DNAJC13: variants seen among roughly 807,000 people sequenced by gnomAD.
DNAJC13 encodes the protein DnaJ heat shock protein family (Hsp40) member C13, also known as dnaJ homolog subfamily C member 13.
DNAJC13 carries 75 observed loss-of-function variants against 290.5 expected under a neutral mutation model. The ratio of observed to expected loss-of-function variants is 0.26; its 90% confidence interval spans 0.21 to 0.31. The LOEUF is 0.31. Among genes scored for constraint, DNAJC13 ranks in the 10% least tolerant of loss-of-function variants. DNAJC13 has a pLI of 1.00. For synonymous variants in DNAJC13, 862 were observed against 892.0 expected, an observed-to-expected ratio of 0.97 and a Z score of 0.60; for missense variants, 2,260 against 2,674.5, an observed-to-expected ratio of 0.85 and a Z score of 3.42.
chr3:132,473,303 C>A, intron 21 of DNAJC13, 76 bp downstream of exon 21: 1 of 991,294 alleles, frequency 1.0e-6, no homozygotes, highest in Non-Finnish European at 1.5e-6. Flanking sequence ...CGTTCTTCTT[C>A]CCTGAAACTG....
intron 43 of DNAJC13, 126 bp from the exon 44 acceptor site, chr3:132,510,941 T>C (rs954562162): frequency 1.0e-6 from 1 of 976,500 alleles, no homozygotes; most frequent in African/African-American, 1.6e-5. Context: ...AGTGCATAGG[T>C]GTATTCATGT....
intron 2 of DNAJC13, among the ~76,000 whole-genome samples, chr3:132,440,139 T>TC (rs1933008547): frequency 6.6e-6 from 1 of 152,128 alleles, no homozygotes; most frequent in Non-Finnish European, 1.5e-5. Context: ...GGCCTGTAGT[T>TC]CCAGCTACTC....
Position 132,525,607 on chromosome 3 carries a change from C to T in DNAJC13, c.6061-3C>T. 1 of 1,613,242 alleles carries T rather than the reference C, an allele frequency of 6.2e-7. No individual in the cohort carries two copies. The highest frequency in any genetic ancestry group is 8.5e-7 in the Non-Finnish European group (1 of 1,179,646). ...TTGATTTATTTTTGTTTTACACCTG[C>T]AGGGAGAAACTCTGGAAACCTTGAC... is the stretch of plus-strand genomic sequence containing the variant. On this transcript the variant is annotated splice_region_variant and splice_polypyrimidine_tract_variant and intron_variant, in intron 51 of 55. Transcript: ENST00000260818.
intron 20 of DNAJC13, 23 bp from the exon 21 acceptor site, chr3:132,473,122 T>C (rs1934340423): frequency 1.3e-6 from 2 of 1,558,312 alleles, no homozygotes; most frequent in Non-Finnish European, 8.8e-7. Flanking sequence ...GATTGAGCAC[T>C]ATGAAGTTTT....
rs942632543 is a variant in DNAJC13 at position 132,425,882 on chromosome 3, C to T, written c.-14+8122C>T. ...TAAATTTTTTTGCTTATAGCTTGAC[C>T]GTAATTGGCTTGAGTGTCTGTGGTG... On this transcript the variant is annotated intron_variant, in intron 1 of 55. Coordinates refer to ENST00000260818, the MANE Select transcript of DNAJC13 (RefSeq NM_015268.4). 1.2e-4 allele frequency among the ~76,000 whole-genome samples: 18 copies of T among 152,032 alleles called. 1 individual carries two copies. The highest frequency in any genetic ancestry group is 3.3e-4 in the Admixed American group (5 of 15,274).
chr3:132,491,169 G>A (rs1430537764), intron 32 of DNAJC13, 118 bp downstream of exon 32: 3 of 872,002 alleles, frequency 3.4e-6, no homozygotes, highest in Non-Finnish European at 5.0e-6. Context: ...TAAAATGACA[G>A]TAATCATTGA....
intron 26 of DNAJC13, 87 bp from the exon 27 acceptor site, chr3:132,482,139 A>G: frequency 9.5e-7 from 1 of 1,054,168 alleles, no homozygotes. Flanking sequence ...AAACCCCTCC[A>G]AAGTACTGCT....
Position 132,467,324 on chromosome 3 carries a change from A to T in DNAJC13, c.2208+11A>T. ...ATTGCTCAAAAAGAGGTAAAAATAAAATTTGCTTCCAAATTCCTGGCACTT... is the reference window on the plus strand; with the variant it reads ...ATTGCTCAAAAAGAGGTAAAAATAATATTTGCTTCCAAATTCCTGGCACTT... On this transcript the variant is annotated intron_variant, in intron 20 of 55. Coordinates refer to ENST00000260818, the MANE Select transcript of DNAJC13 (RefSeq NM_015268.4). The T allele has an allele frequency of 1.2e-6, 2 of 1,611,014 alleles. No individual in the cohort carries two copies. The highest frequency in any genetic ancestry group is 1.1e-5 in the South Asian group (1 of 90,406).
Position 132,453,405 on chromosome 3 carries a change from C to G in DNAJC13, c.645C>G (p.Phe215Leu). ...GGATCAGGAAAGAGCCTTTAGAATT[C>G]GAGCAATATTTGAATCTTCGCTTTG... is the stretch of plus-strand genomic sequence containing the variant. The part of the protein sequence containing the change: ...SLRIRKEPLE[F>L]EQYLNLRFGK... Residue 215 changes from phenylalanine to leucine, a missense_variant, in exon 7 of 56, where the codon TTC (phenylalanine) becomes TTG (leucine). Coordinates refer to ENST00000260818, the MANE Select transcript of DNAJC13 (RefSeq NM_015268.4). 6.2e-7 allele frequency: 1 copy of G among 1,613,904 alleles called. No homozygotes were observed. The highest frequency in any genetic ancestry group is 8.5e-7 in the Non-Finnish European group (1 of 1,179,914).
At chr3:132,442,006 GTT>G (rs201467302) in intron 2 of DNAJC13, among the ~76,000 whole-genome samples, 1 of 145,112 alleles carries the variant, frequency 6.9e-6, no homozygotes. Flanking sequence ...TAACACATTG[GTT>G]TTTTTTTTTA....
intron 1 of DNAJC13, among the ~76,000 whole-genome samples, chr3:132,433,058 C>T (rs546922890): frequency 5.3e-4 from 80 of 152,264 alleles, no homozygotes; most frequent in Non-Finnish European, 1.0e-3. Context: ...GAAAGGTTAA[C>T]ATTCTTTGCA....
At chr3:132,460,895 TAAAG>T (rs1933775600) in intron 14 of DNAJC13, among the ~76,000 whole-genome samples, 151 bp from the exon 15 acceptor site, 8 of 152,232 alleles carry the variant, frequency 5.3e-5, no homozygotes, top group Admixed American at 5.2e-4. Context: ...AAGCAAGTAC[TAAAG>T]AGTCATCCAA....
chr3:132,536,110 C>T (rs1010662530), intron 55 of DNAJC13, among the ~76,000 whole-genome samples: 1 of 152,124 alleles, frequency 6.6e-6, no homozygotes, highest in African/African-American at 2.4e-5. Context: ...GTCCCCAAGC[C>T]AAAAGAAATA....
chr3:132,491,990 C>T (rs1183569849), intron 32 of DNAJC13, among the ~76,000 whole-genome samples: 1 of 152,142 alleles, frequency 6.6e-6, no homozygotes, highest in Non-Finnish European at 1.5e-5. Context: ...AGACGAATTG[C>T]TCTATGTGCT....
At chr3:132,447,017 T>C (rs569316879) in intron 3 of DNAJC13, among the ~76,000 whole-genome samples, 2 of 152,260 alleles carry the variant, frequency 1.3e-5, no homozygotes, top group African/African-American at 4.8e-5. Context: ...AAATTAGGCA[T>C]GTTTCACAAA....
intron 19 of DNAJC13, among the ~76,000 whole-genome samples, chr3:132,466,626 C>T (rs1457294512): frequency 2.0e-5 from 3 of 151,962 alleles, no homozygotes; most frequent in Non-Finnish European, 1.5e-5. Flanking sequence ...GCAGCTATCA[C>T]CACAAATTAA....
intron 13 of DNAJC13, among the ~76,000 whole-genome samples, chr3:132,458,579 G>T (rs950166343): frequency 3.3e-5 from 5 of 152,120 alleles, no homozygotes; most frequent in African/African-American, 1.2e-4. Flanking sequence ...TTCTGCTAGT[G>T]CCCCTGTCTG....
chr3:132,524,207 A>T (rs965594120), intron 51 of DNAJC13, among the ~76,000 whole-genome samples: 4 of 152,202 alleles, frequency 2.6e-5, no homozygotes, highest in Non-Finnish European at 5.9e-5. Context: ...TGAAAAGGTA[A>T]CTTTGGTCTT....
intron 44 of DNAJC13, 82 bp downstream of exon 44, chr3:132,511,326 A>G: frequency 6.7e-7 from 1 of 1,485,012 alleles, no homozygotes; most frequent in South Asian, 1.3e-5. Context: ...TATCAGGGAA[A>G]CTCAGGGAAA....
Sources: allele counts gnomAD v4.1 joint callset (sites outside exome capture counted in the v4.1 genomes callset), GRCh38; gene constraint gnomAD v4.1.1; transcripts MANE v1.5; gene names NCBI Gene and HGNC (gene_info 2026-07-23, HGNC 2026-07-21).